Variants in BFSP2 observed in about 807,000 individuals in gnomAD.
The protein encoded by BFSP2 is phakinin.
Under a neutral mutation model 44.9 loss-of-function variants are expected in BFSP2, and 38 were observed. That is an observed-to-expected ratio of 0.85 (90% CI 0.65 to 1.11). The LOEUF is 1.11. Among genes scored for constraint, BFSP2 ranks in the 50% least tolerant of loss-of-function variants. The pLI is 0.00. For missense variants in BFSP2, 525 were observed against 533.0 expected, an observed-to-expected ratio of 0.99 and a Z score of 0.15; for synonymous variants, 197 against 209.9, an observed-to-expected ratio of 0.94 and a Z score of 0.53.
At position 133,449,986 on chromosome 3, in the gene BFSP2, G is replaced by A. The variant is rs562997453; in HGVS notation, c.730-317G>A. Among the ~76,000 whole-genome samples the A allele has an allele frequency of 2.3e-3, 228 of 100,594 alleles. 1 individual carries two copies. The highest frequency in any genetic ancestry group is 0.01 in the African/African-American group (207 of 20,136). 66.0% of individuals were successfully genotyped at this position (100,594 alleles called of 152,430 possible). A position where few individuals can be genotyped will look rare whatever the true frequency, so the allele number is the denominator to read the frequency against. ...AAGAGAAAGAAGGAAAGAAGGAAAG[G>A]AAGGAAGGAAGGAAGGAAGGAAGGA... On this transcript the variant is annotated intron_variant, in intron 3 of 6. Transcript: ENST00000302334.
At position 133,475,146 on chromosome 3, in the gene BFSP2, A is replaced by C. The variant is rs1359935886; in HGVS notation, c.*174A>C. The C allele has an allele frequency of 3.4e-6, 3 of 872,668 alleles. No individual in the cohort carries two copies. The highest frequency in any genetic ancestry group is 5.6e-6 in the Non-Finnish European group (3 of 537,940). 54.1% of individuals were successfully genotyped at this position (872,668 alleles called of 1,614,324 possible). On this transcript the variant is annotated 3_prime_UTR_variant, in exon 7 of 7. Transcript: ENST00000302334. ...AGGATCCTTCTGCTTTAATCTGAGT[A>C]GTCTGTAGCTTGAGCAATCTCCCTT...
At chr3:133,461,604 T>TA (rs929902684) in intron 4 of BFSP2, among the ~76,000 whole-genome samples, 7 of 152,134 alleles carry the variant, frequency 4.6e-5, no homozygotes, top group Admixed American at 4.6e-4. Flanking sequence ...GAAACAGAAA[T>TA]AGAGTTATAA....
intron 1 of BFSP2, among the ~76,000 whole-genome samples, chr3:133,419,760 G>T (rs539548238): frequency 1.3e-5 from 2 of 152,350 alleles, no homozygotes; most frequent in South Asian, 4.1e-4. Context: ...TGCTGCTGGG[G>T]AATAGCACAG....
intron 1 of BFSP2, chr3:133,410,228 C>G (rs1467337484): frequency 3.5e-6 from 1 of 289,396 alleles, no homozygotes; most frequent in East Asian, 1.2e-4. Flanking sequence ...AAATGGACCC[C>G]AGTAGGACCT....
intron 1 of BFSP2, among the ~76,000 whole-genome samples, chr3:133,444,781 G>A (rs143009327): frequency 1.4e-3 from 207 of 151,818 alleles, no homozygotes; most frequent in African/African-American, 4.2e-3. Context: ...CACATCGTTC[G>A]TCCAGGCCAC....
intron 1 of BFSP2, chr3:133,445,510 A>T (rs1199133990): frequency 1.3e-5 from 2 of 152,348 alleles, no homozygotes; most frequent in Admixed American, 1.3e-4. Flanking sequence ...ACACTTTGAG[A>T]ACCACTAGTG....
Position 133,475,204 on chromosome 3 carries a change from G to A in BFSP2, c.*232G>A, listed in dbSNP as rs541767740. 18 of 625,214 alleles carry A rather than the reference G, an allele frequency of 2.9e-5. No individual in the cohort carries two copies. Among genetic ancestry groups the A allele is most frequent in the East Asian group, 1.4e-4 (5 of 36,190 alleles). The allele number at this position is 625,214 out of a possible 1,614,324, so 38.7% of individuals were successfully genotyped here. A position where few individuals can be genotyped will look rare whatever the true frequency, so the allele number is the denominator to read the frequency against. Reference sequence around the variant, plus strand: ...TTCAAATAAATGCTTTGTGCGCAGCGTCCAGTTTGCCCACCTTGTTCAACT... The same window carrying A: ...TTCAAATAAATGCTTTGTGCGCAGCATCCAGTTTGCCCACCTTGTTCAACT... On this transcript the variant is annotated 3_prime_UTR_variant, in exon 7 of 7. Coordinates refer to ENST00000302334, the MANE Select transcript of BFSP2 (RefSeq NM_003571.4).
intron 1 of BFSP2, among the ~76,000 whole-genome samples, chr3:133,424,637 T>C (rs528047902): frequency 1.3e-5 from 2 of 152,118 alleles, no homozygotes; most frequent in East Asian, 3.9e-4. Context: ...GTTTTGATTG[T>C]TGTTGTTATT....
At chr3:133,447,421 G>T in intron 2 of BFSP2, 22 bp downstream of exon 2, 1 of 1,609,530 alleles carries the variant, frequency 6.2e-7, no homozygotes, top group South Asian at 1.1e-5. Context: ...CAGCAGAGGC[G>T]ACAGTCCCTC....
intron 1 of BFSP2, among the ~76,000 whole-genome samples, chr3:133,437,389 G>A (rs890464762): frequency 6.6e-6 from 1 of 152,088 alleles, no homozygotes; most frequent in Non-Finnish European, 1.5e-5. Context: ...CGGGCATGGT[G>A]GCACATACCT....
At chr3:133,415,700 ACCCCT>A (rs2073517810) in intron 1 of BFSP2, among the ~76,000 whole-genome samples, 1 of 80,338 alleles carries the variant, frequency 1.2e-5, no homozygotes, top group Non-Finnish European at 2.5e-5. Flanking sequence ...CCCTCTACTC[ACCCCT>A]GTCCTCTCCC....
At chr3:133,451,110 CAAAA>C (rs55964213) in intron 4 of BFSP2, among the ~76,000 whole-genome samples, 2 of 95,096 alleles carry the variant, frequency 2.1e-5, no homozygotes, top group Admixed American at 1.3e-4. Context: ...GACTCTGTCT[CAAAA>C]AAAAAAAAAA....
chr3:133,466,024 T>C (rs2074105840), intron 4 of BFSP2, among the ~76,000 whole-genome samples: 1 of 152,190 alleles, frequency 6.6e-6, no homozygotes. Context: ...CTATAAAGAA[T>C]GTACTCAATT....
intron 1 of BFSP2, among the ~76,000 whole-genome samples, chr3:133,445,776 T>A (rs972069802): frequency 2.6e-5 from 4 of 152,176 alleles, no homozygotes; most frequent in African/African-American, 7.2e-5. Flanking sequence ...ATGCAAATAC[T>A]ACATCATTTT....
chr3:133,457,773 G>A (rs934763063), intron 4 of BFSP2, among the ~76,000 whole-genome samples: 2 of 152,148 alleles, frequency 1.3e-5, no homozygotes, highest in African/African-American at 4.8e-5. Context: ...TTCAATAGTT[G>A]CAACAGAGAC....
At chr3:133,430,774 C>T (rs1223234560) in intron 1 of BFSP2, among the ~76,000 whole-genome samples, 3 of 152,184 alleles carry the variant, frequency 2.0e-5, no homozygotes, top group Non-Finnish European at 4.4e-5. Context: ...TCTTTCTAAT[C>T]TTCCTTTTCT....
At chr3:133,436,599 G>A (rs1266319384) in intron 1 of BFSP2, among the ~76,000 whole-genome samples, 2 of 152,134 alleles carry the variant, frequency 1.3e-5, no homozygotes, top group Non-Finnish European at 2.9e-5. Context: ...AGACAAAGCA[G>A]CTCAATTTTA....
At chr3:133,459,020 T>A (rs1169986901) in intron 4 of BFSP2, among the ~76,000 whole-genome samples, 1 of 152,138 alleles carries the variant, frequency 6.6e-6, no homozygotes, top group Non-Finnish European at 1.5e-5. Flanking sequence ...ACCTTAGATA[T>A]TTTTTAACAG....
intron 1 of BFSP2, among the ~76,000 whole-genome samples, chr3:133,424,859 T>A (rs555759461): frequency 6.6e-6 from 1 of 152,236 alleles, no homozygotes; most frequent in South Asian, 2.1e-4. Flanking sequence ...GGTCTCAAAC[T>A]CCTAACCTCA....
Sources: allele counts gnomAD v4.1 joint callset (sites outside exome capture counted in the v4.1 genomes callset), GRCh38; gene constraint gnomAD v4.1.1; transcripts MANE v1.5; gene names NCBI Gene and HGNC (gene_info 2026-07-23, HGNC 2026-07-21).